Variants in PNO1 observed in about 807,000 individuals in gnomAD.
PNO1 encodes partner of NOB1 homolog.
A neutral mutation model predicts 28.4 loss-of-function variants in PNO1; 16 were observed. The ratio of observed to expected loss-of-function variants is 0.56; its 90% confidence interval spans 0.38 to 0.85. PNO1 has a LOEUF of 0.85. Among genes scored for constraint, PNO1 ranks in the 40% least tolerant of loss-of-function variants. PNO1 has a pLI of 0.00. For synonymous variants in PNO1, 115 were observed against 110.8 expected (o/e 1.04, Z -0.24); for missense variants, 304 against 312.2 (o/e 0.97, Z 0.20).
At chr2:68,159,445 G>A (rs1240088432) in intron 2 of PNO1, among the ~76,000 whole-genome samples, 1 of 151,892 alleles carries the variant, frequency 6.6e-6, no homozygotes, top group Non-Finnish European at 1.5e-5. Context: ...CTGACCTCAG[G>A]TGATCACATC....
At chr2:68,162,030 T>C (rs1673844395) in intron 3 of PNO1, among the ~76,000 whole-genome samples, 1 of 151,952 alleles carries the variant, frequency 6.6e-6, no homozygotes, top group Non-Finnish European at 1.5e-5. Context: ...TCCCAGCTAC[T>C]TGGGAGGCTG....
chr2:68,165,387 A>C (rs1389222644), intron 5 of PNO1, among the ~76,000 whole-genome samples: 1 of 131,274 alleles, frequency 7.6e-6, no homozygotes, highest in African/African-American at 3.0e-5. Flanking sequence ...AAACAACAAA[A>C]AAAAAAAAAC....
chr2:68,167,369 T>G (rs752621923), intron 5 of PNO1, among the ~76,000 whole-genome samples: 3 of 152,200 alleles, frequency 2.0e-5, no homozygotes, highest in Non-Finnish European at 2.9e-5. Context: ...AGATACTTCC[T>G]GACTTCAGGG....
In PNO1 at chr2:68,175,182, T is replaced by C. The variant is rs112809838; in HGVS notation, c.*380T>C. 5.1e-3 allele frequency: 799 copies of C among 155,442 alleles called. 8 individuals carry two copies. The highest frequency in any genetic ancestry group is 0.018 in the African/African-American group (745 of 41,696). The allele number at this position is 155,442 out of a possible 1,614,324, so 9.6% of individuals were successfully genotyped here. A position where few individuals can be genotyped will look rare whatever the true frequency, so the allele number is the denominator to read the frequency against. ...CTTCATACAAATTTATAAACATTTC[T>C]TTATAAATTGTAATTTAATAGATTA... On this transcript the variant is annotated 3_prime_UTR_variant, in exon 7 of 7. Transcript: ENST00000263657.
At position 68,162,564 on chromosome 2, in the gene PNO1, AC is replaced by A; in HGVS notation, c.523del (p.His175IlefsTer6). 1 of 1,612,948 alleles carries A rather than the reference AC, an allele frequency of 6.2e-7. No homozygotes were observed. On this transcript the variant is annotated frameshift_variant, in exon 5 of 7. Coordinates refer to ENST00000263657, the MANE Select transcript of PNO1 (RefSeq NM_020143.4). LOFTEE classifies it high-confidence loss of function. The stretch of plus-strand genomic sequence containing the variant: ...TGTTTAGTTAAACCCCTAAAGGGAG[AC>A]CATCTATCCAGGGCAATAGGAAGAA... ...EITDVKPLKG[D>X]HLSRAIGRIA...
chr2:68,174,880 G>C lies in PNO1; in HGVS notation c.*78G>C. 1 of 836,334 alleles carries C rather than the reference G, an allele frequency of 1.2e-6. No individual in the cohort carries two copies. The highest frequency in any genetic ancestry group is 2.0e-6 in the Non-Finnish European group (1 of 503,886). 51.8% of individuals were successfully genotyped at this position (836,334 alleles called of 1,614,324 possible). On this transcript the variant is annotated 3_prime_UTR_variant, in exon 7 of 7. Transcript: ENST00000263657. ...TACAGTGGTCGGTCACAAGAAACCA[G>C]CTGAACAATTTCAGTCATTTGAAGC...
rs1287326738 is a variant in PNO1 at position 68,158,141 on chromosome 2, G to A, written c.207G>A (p.Leu69=). ...CACCCCTCTGTGGGGACGGGCTCCT[G>A]GTATGTGGCTGGGACCCTAGGACAG... The part of the protein sequence containing the change: ...VFPPLCGDGL[L]SGKEETRKIP... Residue 69 remains leucine (L), a splice_region_variant and synonymous_variant, in exon 1 of 7, where the codon CTG becomes CTA. Coordinates refer to ENST00000263657, the MANE Select transcript of PNO1 (RefSeq NM_020143.4). 4.4e-6 allele frequency: 7 copies of A among 1,594,712 alleles called. No individual in the cohort carries two copies. Among genetic ancestry groups the A allele is most frequent in the Non-Finnish European group, 6.0e-6 (7 of 1,170,128 alleles).
At position 68,175,816 on chromosome 2, in the gene PNO1, CT is replaced by C; in HGVS notation, c.*1015del. Reference sequence around the variant, plus strand: ...ATGGGTTTAGGTCCAGATAAGCCCACTGTGAGTTGAAAATACCAAAAGTCAA... The same window carrying C: ...ATGGGTTTAGGTCCAGATAAGCCCACGTGAGTTGAAAATACCAAAAGTCAA... On this transcript the variant is annotated 3_prime_UTR_variant, in exon 7 of 7. Transcript: ENST00000263657. 6.6e-6 allele frequency: 1 copy of C among 152,332 alleles called. No individual in the cohort carries two copies. The highest frequency in any genetic ancestry group is 2.4e-5 in the African/African-American group (1 of 41,574). 9.4% of individuals were successfully genotyped at this position (152,332 alleles called of 1,614,324 possible). A position where few individuals can be genotyped will look rare whatever the true frequency, so the allele number is the denominator to read the frequency against.
chr2:68,168,921 C>CTTTTTTTTTTTTT, intron 5 of PNO1, among the ~76,000 whole-genome samples: 1 of 72,484 alleles, frequency 1.4e-5, no homozygotes, highest in Non-Finnish European at 2.4e-5. Context: ...CAGCTTTTTT[C>CTTTTTTTTTTTTT]TTTTTTTTTT....
chr2:68,170,518 C>T (rs887771208), intron 5 of PNO1, among the ~76,000 whole-genome samples: 13 of 152,072 alleles, frequency 8.5e-5, no homozygotes, highest in South Asian at 2.1e-4. Context: ...GAGGCCGAGG[C>T]GGGCGGATCA....
In PNO1 at chr2:68,157,913, C is replaced by A. The variant is rs760909365; in HGVS notation, c.-22C>A. 3.1e-6 allele frequency: 5 copies of A among 1,607,568 alleles called. No individual in the cohort carries two copies. The South Asian group carries it at 5.5e-5, about 18-fold the overall frequency. On this transcript the variant is annotated 5_prime_UTR_variant, in exon 1 of 7. Transcript: ENST00000263657. Reference sequence around the variant, plus strand: ...GCAGCTGCGCACGTGTTTCAGCCGGCAGCGCTTTAAGATTTCCGGGGATGG... The same window carrying A: ...GCAGCTGCGCACGTGTTTCAGCCGGAAGCGCTTTAAGATTTCCGGGGATGG...
At chr2:68,166,855 A>G (rs540279877) in intron 5 of PNO1, among the ~76,000 whole-genome samples, 20 of 152,204 alleles carry the variant, frequency 1.3e-4, no homozygotes, top group Admixed American at 3.9e-4. Flanking sequence ...ACCTCCATCA[A>G]GTCGTCTTCT....
intron 5 of PNO1, among the ~76,000 whole-genome samples, chr2:68,171,431 G>A (rs996024539): frequency 2.0e-5 from 3 of 152,176 alleles, no homozygotes; most frequent in African/African-American, 4.8e-5. Flanking sequence ...GCTGATTTAG[G>A]CATCAGTTGA....
At chr2:68,174,251 A>AT (rs1256469212) in intron 6 of PNO1, among the ~76,000 whole-genome samples, 1 of 136,754 alleles carries the variant, frequency 7.3e-6, no homozygotes, top group Non-Finnish European at 1.6e-5. Flanking sequence ...AGTTTAAAAT[A>AT]TTTTTTGGAG....
chr2:68,173,534 C>A (rs1490631587), intron 6 of PNO1, 117 bp downstream of exon 6: 3 of 619,018 alleles, frequency 4.8e-6, no homozygotes, highest in African/African-American at 3.9e-5. Context: ...CAAGTAGAAA[C>A]CCTTGGGAGT....
chr2:68,174,715 CTT>C lies in PNO1; in HGVS notation c.692-13_692-12del. The stretch of plus-strand genomic sequence containing the variant: ...AAATGTGAGTTTATTTGTGTATATA[CTT>C]TTTTTTCCCCTTTGCAGGAAATCCT... On this transcript the variant is annotated intron_variant, in intron 6 of 6. Transcript: ENST00000263657. 6.4e-7 allele frequency: 1 copy of C among 1,570,206 alleles called. No individual in the cohort carries two copies. The highest frequency in any genetic ancestry group is 8.8e-7 in the Non-Finnish European group (1 of 1,141,920).
intron 5 of PNO1, among the ~76,000 whole-genome samples, chr2:68,170,673 G>T (rs1327168621): frequency 6.8e-6 from 1 of 147,420 alleles, no homozygotes; most frequent in Non-Finnish European, 1.5e-5. Flanking sequence ...GCGAGAATCC[G>T]AGAGGCGGAG....
chr2:68,168,620 A>G (rs1318137804), intron 5 of PNO1, among the ~76,000 whole-genome samples: 2 of 152,198 alleles, frequency 1.3e-5, no homozygotes, highest in Non-Finnish European at 2.9e-5. Context: ...TGTAGGGTGT[A>G]TGACTTAACC....
chr2:68,174,507 TA>T (rs1674221232), intron 6 of PNO1, among the ~76,000 whole-genome samples: 1 of 152,124 alleles, frequency 6.6e-6, no homozygotes, highest in Non-Finnish European at 1.5e-5. Context: ...ACTATTTACA[TA>T]GCATTTGCAT....
Sources: gnomAD v4.1 joint callset for allele counts (sites outside exome capture counted in the v4.1 genomes callset) on GRCh38, gnomAD v4.1.1 for gene constraint, MANE v1.5 for transcripts, NCBI Gene and HGNC (gene_info 2026-07-23, HGNC 2026-07-21) for gene names.